The following ZFHX3 variants were observed in gnomAD, a reference collection of about 807,000 sequenced individuals.
The protein encoded by ZFHX3 is zinc finger homeobox protein 3.
Under a neutral mutation model 279.1 loss-of-function variants are expected in ZFHX3, and 42 were observed. The ratio of observed to expected loss-of-function variants is 0.15; its 90% CI spans 0.12 to 0.19. ZFHX3 has a LOEUF of 0.19. ZFHX3 is among the 10% of genes least tolerant of loss of function. The pLI, the probability that ZFHX3 is intolerant of heterozygous loss-of-function variation, is 1.00. For synonymous variants in ZFHX3, 2,293 were observed against 1,957.8 expected, an observed-to-expected ratio of 1.17 and a Z score of -4.52; for missense variants, 4,981 against 4,754.0, an observed-to-expected ratio of 1.05 and a Z score of -1.40.
intron 3 of ZFHX3, among the ~76,000 whole-genome samples, chr16:73,374,415 C>T (rs1372016296): frequency 1.3e-5 from 2 of 151,724 alleles, no homozygotes; most frequent in African/African-American, 2.4e-5. Context: ...TTCATCTATT[C>T]CTCCCACTCT....
chr16:72,798,642 G>C lies in ZFHX3; in HGVS notation c.4040C>G (p.Ser1347Cys). ...STEQSGDLKP[S>C]PADPGSVRED... ...TCTCACAGAGCCTGGGTCAGCAGGG[G>C]ATGGTTTCAAATCTCCGCTTTGCTC... The change falls in exon 9 of 10, where the codon TCC (serine) becomes TGC (cysteine). Residue 1347 changes from serine to cysteine, a missense_variant. Physicochemically the swap from Ser to Cys is moderately radical, Grantham distance 112. Coordinates refer to ENST00000268489, the MANE Select transcript of ZFHX3 (RefSeq NM_006885.4). 1 of 1,613,830 alleles carries C rather than the reference G, an allele frequency of 6.2e-7. No individual in the cohort carries two copies. Among genetic ancestry groups the C allele is most frequent in the Non-Finnish European group, 8.5e-7 (1 of 1,179,940 alleles).
At chr16:73,310,020 T>G (rs2015288379) in intron 4 of ZFHX3, among the ~76,000 whole-genome samples, 1 of 150,260 alleles carries the variant, frequency 6.7e-6, no homozygotes, top group Admixed American at 6.7e-5. Flanking sequence ...GCGATTCTCC[T>G]GCCTCAGCCT....
intron 3 of ZFHX3, among the ~76,000 whole-genome samples, chr16:72,891,345 C>T (rs1347265385): frequency 1.3e-5 from 2 of 152,190 alleles, no homozygotes; most frequent in African/African-American, 4.8e-5. Context: ...GGTATCAGAA[C>T]AGAAGAGGTC....
At chr16:73,837,434 G>A (rs1017963892) in intron 1 of ZFHX3, among the ~76,000 whole-genome samples, 1 of 152,124 alleles carries the variant, frequency 6.6e-6, no homozygotes, top group Non-Finnish European at 1.5e-5. Flanking sequence ...AAATCCTGGA[G>A]ACAAAAAGTG....
intron 1 of ZFHX3, among the ~76,000 whole-genome samples, chr16:73,018,000 T>G (rs1244998169): frequency 2.0e-5 from 3 of 151,806 alleles, no homozygotes; most frequent in Non-Finnish European, 2.9e-5. Context: ...TTTTTTTTTT[T>G]TTTGAGACAG....
At chr16:72,928,230 G>GAGCT (rs758222274) in intron 3 of ZFHX3, among the ~76,000 whole-genome samples, 1 of 81,594 alleles carries the variant, frequency 1.2e-5, no homozygotes, top group Non-Finnish European at 2.7e-5. Flanking sequence ...GCGAGGGGGA[G>GAGCT]CGAGAGAGGA....
chr16:73,825,755 A>G (rs1185946369), intron 1 of ZFHX3, among the ~76,000 whole-genome samples: 1 of 38,214 alleles, frequency 2.6e-5, no homozygotes, highest in Non-Finnish European at 4.7e-5. Context: ...TGTTCCATTG[A>G]TCTATATCTC....
intron 2 of ZFHX3, among the ~76,000 whole-genome samples, chr16:73,666,593 A>T (rs1377138388): frequency 6.6e-6 from 1 of 151,898 alleles, no homozygotes. Flanking sequence ...AGACTGCTGG[A>T]CCCTTCTCTT....
intron 1 of ZFHX3, among the ~76,000 whole-genome samples, chr16:73,728,015 G>GCCCCCCCCCCCCCCCCCCCCCCCCCCCCA (rs3049673): frequency 1.3e-5 from 1 of 75,426 alleles, no homozygotes; most frequent in Non-Finnish European, 2.6e-5. Context: ...GCCGAATTGT[G>GCCCCCCCCCCCCCCCCCCCCCCCCCCCCA]CCCCCCCCCC....
At chr16:73,459,314 C>T (rs745838705) in intron 2 of ZFHX3, among the ~76,000 whole-genome samples, 1 of 152,130 alleles carries the variant, frequency 6.6e-6, no homozygotes. Context: ...CGATAAAGAA[C>T]TGCCTGAGAC....
intron 1 of ZFHX3, among the ~76,000 whole-genome samples, chr16:73,017,967 C>G (rs1453364420): frequency 6.6e-6 from 1 of 151,304 alleles, no homozygotes; most frequent in Non-Finnish European, 1.5e-5. Flanking sequence ...TGAAGTGGGA[C>G]CTATGTTTTC....
intron 2 of ZFHX3, among the ~76,000 whole-genome samples, chr16:73,597,772 A>C (rs12933079): frequency 0.41 from 62,965 of 152,030 alleles, 15,357 homozygotes; most frequent in African/African-American, 0.69. Context: ...AGACTTCTAG[A>C]CTGCAGAACT....
chr16:72,798,444 A>G lies in ZFHX3; in HGVS notation c.4238T>C (p.Ile1413Thr). 1 of 1,614,184 alleles carries G rather than the reference A, an allele frequency of 6.2e-7. No homozygotes were observed. Among genetic ancestry groups the G allele is most frequent in the South Asian group, 1.1e-5 (1 of 91,080 alleles). ...CNQCSLAFKTIEKLQLHSQYH... is the reference protein window; with the variant it reads ...CNQCSLAFKTTEKLQLHSQYH... The stretch of plus-strand genomic sequence containing the variant: ...CTGAGAATGGAGCTGCAACTTTTCA[A>G]TGGTCTTGAAGGCCAGGCTACACTG... Residue 1413 changes from isoleucine (I) to threonine (T), a missense_variant, in exon 9 of 10, where the codon ATT (isoleucine) becomes ACT (threonine). Transcript: ENST00000268489.
chr16:73,603,879 A>T (rs541159923), intron 2 of ZFHX3, among the ~76,000 whole-genome samples: 19 of 150,140 alleles, frequency 1.3e-4, no homozygotes, highest in Non-Finnish European at 2.2e-4. Context: ...CCCAGGTTCA[A>T]GTGATTCTCC....
Position 72,785,516 on chromosome 16 carries a change from T to C in ZFHX3, c.*1648A>G, listed in dbSNP as rs921490817. ...ATCTTTTGTTTTTCTCTTTCTTTTA[T>C]TAAACTAAGTCTTGTTTGTTTAAAT... On this transcript the variant is annotated 3_prime_UTR_variant, in exon 10 of 10. Transcript: ENST00000268489. The C allele has an allele frequency of 1.3e-5, 2 of 152,692 alleles. No individual in the cohort carries two copies. The highest frequency in any genetic ancestry group is 4.8e-5 in the African/African-American group (2 of 41,468). The allele number at this position is 152,692 out of a possible 1,614,324, so 9.5% of individuals were successfully genotyped here.
chr16:73,766,662 A>C (rs1264799332), intron 1 of ZFHX3, among the ~76,000 whole-genome samples: 2 of 152,184 alleles, frequency 1.3e-5, no homozygotes, highest in Admixed American at 1.3e-4. Context: ...CGAGAAATGC[A>C]TAAGAAGGTG....
At chr16:72,873,259 G>A (rs1329805906) in intron 4 of ZFHX3, among the ~76,000 whole-genome samples, 1 of 152,190 alleles carries the variant, frequency 6.6e-6, no homozygotes, top group East Asian at 1.9e-4. Flanking sequence ...TTAATAAACA[G>A]CTGCAAAGCT....
intron 3 of ZFHX3, among the ~76,000 whole-genome samples, chr16:72,902,046 A>C (rs761671669): frequency 3.7e-4 from 56 of 152,242 alleles, no homozygotes; most frequent in Admixed American, 1.6e-3. Flanking sequence ...TTAACTTTAA[A>C]TAATGCAATA....
chr16:72,783,528 T>C lies in ZFHX3; in HGVS notation c.*3636A>G, dbSNP rs2035213954. 1 of 152,634 alleles carries C rather than the reference T, an allele frequency of 6.6e-6. No homozygotes were observed. Among genetic ancestry groups the C allele is most frequent in the African/African-American group, 2.4e-5 (1 of 41,468 alleles). The allele number at this position is 152,634 out of a possible 1,614,324, so 9.5% of individuals were successfully genotyped here. ...AGGTTTAAACACATGCCGTCTGTTT[T>C]ACTTTATTTTCAATTGTGTAAAACT... is the stretch of plus-strand genomic sequence containing the variant. On this transcript the variant is annotated 3_prime_UTR_variant, in exon 10 of 10. Coordinates refer to ENST00000268489, the MANE Select transcript of ZFHX3 (RefSeq NM_006885.4).
Sources: allele counts gnomAD v4.1 joint callset (sites outside exome capture counted in the v4.1 genomes callset), GRCh38; gene constraint gnomAD v4.1.1; transcripts MANE v1.5; gene names NCBI Gene and HGNC (gene_info 2026-07-23, HGNC 2026-07-21).